The following LCA5 variants were observed in gnomAD, a reference collection of about 807,000 sequenced individuals.
The protein encoded by LCA5 is lebercilin.
In LCA5, 37 loss-of-function variants were observed where a neutral mutation model predicts 53.0. The ratio of observed to expected loss-of-function variants is 0.70; its 90% CI spans 0.54 to 0.92. LCA5 has a LOEUF of 0.92. Among genes scored for constraint, LCA5 ranks in the 40% least tolerant of loss-of-function variants. LCA5 has a pLI of 0.00. For missense variants in LCA5, 806 were observed against 790.5 expected (o/e 1.02, Z -0.23); for synonymous variants, 303 against 282.9 (o/e 1.07, Z -0.71).
intron 1 of LCA5, among the ~76,000 whole-genome samples, chr6:79,534,761 T>C (rs554555149): frequency 6.6e-6 from 1 of 151,902 alleles, no homozygotes; most frequent in Admixed American, 6.6e-5. Context: ...GGGGGGTAAA[T>C]GAGGTTAGAA....
intron 3 of LCA5, among the ~76,000 whole-genome samples, chr6:79,500,655 T>C (rs1340425947): frequency 6.6e-6 from 1 of 152,208 alleles, no homozygotes; most frequent in Non-Finnish European, 1.5e-5. Context: ...GAAAGCTTGA[T>C]AATGCAAAGC....
At chr6:79,498,172 TAAA>T (rs11301807) in intron 3 of LCA5, among the ~76,000 whole-genome samples, 2 of 145,112 alleles carry the variant, frequency 1.4e-5, no homozygotes, top group Admixed American at 6.8e-5. Context: ...CTCAAATAGC[TAAA>T]AAAAAAAAAA....
At chr6:79,505,594 C>G (rs1770252914) in intron 3 of LCA5, among the ~76,000 whole-genome samples, 1 of 152,108 alleles carries the variant, frequency 6.6e-6, no homozygotes, top group South Asian at 2.1e-4. Flanking sequence ...ACGACTGCAA[C>G]CTGGAGGTAA....
chr6:79,508,806 C>T (rs1266128509), intron 3 of LCA5, among the ~76,000 whole-genome samples: 1 of 152,072 alleles, frequency 6.6e-6, no homozygotes, highest in African/African-American at 2.4e-5. Context: ...GTTTTTTCCC[C>T]TTAATCAGTT....
chr6:79,524,062 G>A (rs1214072234), intron 1 of LCA5, among the ~76,000 whole-genome samples: 1 of 151,796 alleles, frequency 6.6e-6, no homozygotes, highest in Non-Finnish European at 1.5e-5. Flanking sequence ...TTCCTATTAA[G>A]TGGAAAAAAC....
At position 79,487,794 on chromosome 6, in the gene LCA5, T is replaced by G; in HGVS notation, c.1304A>C (p.Glu435Ala). 2 of 1,611,778 alleles carry G rather than the reference T, an allele frequency of 1.2e-6. No homozygotes were observed. The highest frequency in any genetic ancestry group is 1.7e-6 in the Non-Finnish European group (2 of 1,179,216). ...ASLLEREEKP[E>A]WETGRYQLGM... ...TAGTTGGTACCTTCCAGTTTCCCACTCTGGCTTTTCTTCTCTTTCCAGTAA... is the reference window on the plus strand; with the variant it reads ...TAGTTGGTACCTTCCAGTTTCCCACGCTGGCTTTTCTTCTCTTTCCAGTAA... The change falls in exon 8 of 8, where the codon GAG (glutamate) becomes GCG (alanine). Residue 435 changes from glutamate (E) to alanine (A), a missense_variant. Glu to Ala is a moderately radical substitution (Grantham distance 107, BLOSUM62 -1). Transcript: ENST00000369846.
chr6:79,519,870 C>T (rs1766576325), intron 1 of LCA5, among the ~76,000 whole-genome samples: 1 of 151,958 alleles, frequency 6.6e-6, no homozygotes, highest in Admixed American at 6.6e-5. Flanking sequence ...ATCTTCAATA[C>T]ATAAATATAT....
At chr6:79,505,204 C>T (rs1770243323) in intron 3 of LCA5, among the ~76,000 whole-genome samples, 1 of 152,160 alleles carries the variant, frequency 6.6e-6, no homozygotes, top group Non-Finnish European at 1.5e-5. Flanking sequence ...TCTAAGGACA[C>T]TGCAAAGCTT....
chr6:79,506,805 C>T (rs1013364961), intron 3 of LCA5, among the ~76,000 whole-genome samples: 11 of 152,138 alleles, frequency 7.2e-5, no homozygotes, highest in African/African-American at 2.7e-4. Context: ...CATGAATATA[C>T]AATGGGGTTT....
chr6:79,518,639 C>G, intron 2 of LCA5, 66 bp downstream of exon 2: 1 of 1,416,408 alleles, frequency 7.1e-7, no homozygotes, highest in Non-Finnish European at 1.0e-6. Context: ...ATCATGCACA[C>G]ACATTTTCCT....
chr6:79,512,940 C>T (rs765158276), intron 3 of LCA5, among the ~76,000 whole-genome samples: 3 of 152,138 alleles, frequency 2.0e-5, no homozygotes, highest in Non-Finnish European at 4.4e-5. Flanking sequence ...CTATTAGTGT[C>T]ATTTCCAATT....
At chr6:79,537,921 T>C (rs1228355113), upstream of LCA5, among the ~76,000 whole-genome samples, 3 of 151,202 alleles carry the variant, frequency 2.0e-5, no homozygotes, top group Non-Finnish European at 2.9e-5. Flanking sequence ...AGATCCTGGC[T>C]GTGAATCACC....
chr6:79,519,977 A>G (rs545909447), intron 1 of LCA5, among the ~76,000 whole-genome samples: 10 of 152,248 alleles, frequency 6.6e-5, no homozygotes, highest in Admixed American at 3.9e-4. Context: ...TTTCGAAATA[A>G]TAACACTCAA....
At chr6:79,495,055 A>G (rs1268131793) in intron 3 of LCA5, among the ~76,000 whole-genome samples, 1 of 152,202 alleles carries the variant, frequency 6.6e-6, no homozygotes, top group Non-Finnish European at 1.5e-5. Flanking sequence ...GCACAGCAGG[A>G]GGTGAGTGGC....
intron 4 of LCA5, 147 bp downstream of exon 4, chr6:79,493,465 AC>A: frequency 1.3e-6 from 1 of 765,010 alleles, no homozygotes; most frequent in Non-Finnish European, 2.1e-6. Context: ...ATACCAACAA[AC>A]CTTTTCTAAG....
intron 1 of LCA5, chr6:79,525,409 G>A (rs1018705110): frequency 1.3e-5 from 2 of 152,204 alleles, no homozygotes; most frequent in East Asian, 3.8e-4. Context: ...TAAATATCCT[G>A]TTCACAGGAG....
chr6:79,535,799 A>C (rs556293232), intron 1 of LCA5, among the ~76,000 whole-genome samples: 3 of 152,358 alleles, frequency 2.0e-5, no homozygotes, highest in South Asian at 2.1e-4. Flanking sequence ...AGCCAAGAAC[A>C]CAGAGTAAAA....
chr6:79,492,664 T>C lies in LCA5; in HGVS notation c.859-17A>G, dbSNP rs1249677740. 1 of 1,291,874 alleles carries C rather than the reference T, an allele frequency of 7.7e-7. No homozygotes were observed. The highest frequency in any genetic ancestry group is 2.4e-5 in the East Asian group (1 of 41,058). The allele number at this position is 1,291,874 out of a possible 1,614,324, so 80.0% of individuals were successfully genotyped here. A position where few individuals can be genotyped will look rare whatever the true frequency, so the allele number is the denominator to read the frequency against. ...CTCCTTTTCCTGAAAACAAACGCAA[T>C]ACAATTAAGGAAGTAGAGCCTCTGC... On this transcript the variant is annotated splice_polypyrimidine_tract_variant and intron_variant, in intron 4 of 7. Coordinates refer to ENST00000369846, the MANE Select transcript of LCA5 (RefSeq NM_001122769.3).
At chr6:79,505,457 T>C (rs796728905) in intron 3 of LCA5, among the ~76,000 whole-genome samples, 15 of 152,290 alleles carry the variant, frequency 9.8e-5, no homozygotes, top group African/African-American at 3.6e-4. Context: ...TTGGGGGGCA[T>C]AAATATAATT....
Sources: gnomAD v4.1 joint callset for allele counts (sites outside exome capture counted in the v4.1 genomes callset) on GRCh38, gnomAD v4.1.1 for gene constraint, MANE v1.5 for transcripts, NCBI Gene and HGNC (gene_info 2026-07-23, HGNC 2026-07-21) for gene names.